Variants in PLCE1 observed in about 807,000 individuals in gnomAD.
The protein encoded by PLCE1 is phospholipase C epsilon 1, also known as 1-phosphatidylinositol 4,5-bisphosphate phosphodiesterase epsilon-1.
In PLCE1, 119 loss-of-function variants were observed where a neutral mutation model predicts 242.8. That is an observed-to-expected ratio of 0.49 (90% CI 0.42 to 0.57). PLCE1 has a LOEUF of 0.57. Among genes scored for constraint, PLCE1 ranks in the 20% least tolerant of loss-of-function variants. The pLI, the probability that PLCE1 is intolerant of heterozygous loss-of-function variation, is 0.00. For missense variants in PLCE1, 2,441 were observed against 2,788.8 expected, an observed-to-expected ratio of 0.88 and a Z score of 2.81; for synonymous variants, 945 against 1,017.4, an observed-to-expected ratio of 0.93 and a Z score of 1.35.
intron 27 of PLCE1, 120 bp from the exon 28 acceptor site, chr10:94,313,134 C>G (rs1221772147): frequency 8.5e-7 from 1 of 1,179,012 alleles, no homozygotes; most frequent in African/African-American, 1.5e-5. Flanking sequence ...CAAATGGACT[C>G]TCATCTTTTG....
rs1389986963 is a variant in PLCE1, at chr10:94,032,080, G to C, written c.1034G>C (p.Arg345Thr). The change falls in exon 2 of 33, where the codon AGA (arginine) becomes ACA (threonine). Residue 345 changes from arginine (R) to threonine (T), a missense_variant. This residue lies in a region of PLCE1 where 733 missense variants were observed against 754.2 expected (regional missense o/e 0.97). Coordinates refer to ENST00000371380, the MANE Select transcript of PLCE1 (RefSeq NM_016341.4). Reference protein sequence around the residue: ...EVKKSVYTGTRAIVRTLPSGH... With the variant: ...EVKKSVYTGTTAIVRTLPSGH... Reference sequence around the variant, plus strand: ...AAGAAATCTGTGTATACTGGAACAAGAGCAATTGTGAGAACTCTGCCTTCT... The same window carrying C: ...AAGAAATCTGTGTATACTGGAACAACAGCAATTGTGAGAACTCTGCCTTCT... The C allele has an allele frequency of 3.1e-6, 5 of 1,612,216 alleles. No individual in the cohort carries two copies. Among genetic ancestry groups the C allele is most frequent in the Non-Finnish European group, 4.2e-6 (5 of 1,179,298 alleles).
intron 4 of PLCE1, among the ~76,000 whole-genome samples, chr10:94,212,043 G>A (rs945198764): frequency 6.6e-6 from 1 of 152,084 alleles, no homozygotes; most frequent in African/African-American, 2.4e-5. Flanking sequence ...GTGCATATTA[G>A]CATATTAAAG....
chr10:94,208,812 T>C (rs940930246), intron 4 of PLCE1, among the ~76,000 whole-genome samples: 6 of 152,150 alleles, frequency 3.9e-5, no homozygotes, highest in Non-Finnish European at 1.5e-5. Flanking sequence ...GGGCTGTAAA[T>C]AGTGTTGACA....
At chr10:94,110,655 A>T (rs2045927049) in intron 2 of PLCE1, among the ~76,000 whole-genome samples, 1 of 152,238 alleles carries the variant, frequency 6.6e-6, no homozygotes, top group Non-Finnish European at 1.5e-5. Context: ...ACTATGGAAA[A>T]CTACACAGTG....
rs746028740 is a variant in PLCE1 at position 94,227,446 on chromosome 10, C to T, written c.1950C>T (p.Gly650=). The T allele has an allele frequency of 1.2e-6, 2 of 1,613,768 alleles. No individual in the cohort carries two copies. The highest frequency in any genetic ancestry group is 1.7e-6 in the Non-Finnish European group (2 of 1,179,692). ...NYNAVMEFLA[G]LRSRKVLKMW... ...ACGCTGTCATGGAGTTCTTGGCTGG[C>T]CTCAGGTATAGTCAGTGGGGAATAT... The change falls in exon 5 of 33, where the codon GGC becomes GGT. Residue 650 remains glycine, a synonymous_variant. Transcript: ENST00000371380.
At chr10:94,311,010 GTGCTT>G (rs2053369860) in intron 27 of PLCE1, among the ~76,000 whole-genome samples, 1 of 152,160 alleles carries the variant, frequency 6.6e-6, no homozygotes, top group African/African-American at 2.4e-5. Context: ...ACTCACAAGA[GTGCTT>G]TGCTTATTAT....
intron 2 of PLCE1, among the ~76,000 whole-genome samples, chr10:94,109,857 T>G (rs2045887962): frequency 6.6e-6 from 1 of 151,620 alleles, no homozygotes; most frequent in Non-Finnish European, 1.5e-5. Flanking sequence ...GGGATGTTTT[T>G]TTTTTTTTTC....
chr10:94,321,646 A>C (rs981285584), intron 29 of PLCE1, among the ~76,000 whole-genome samples: 14 of 149,078 alleles, frequency 9.4e-5, no homozygotes, highest in South Asian at 4.3e-4. Flanking sequence ...AAAAAAAAAA[A>C]CCCACAGCTA....
intron 3 of PLCE1, among the ~76,000 whole-genome samples, chr10:94,152,390 A>T (rs1352882884): frequency 6.6e-6 from 1 of 152,236 alleles, no homozygotes; most frequent in East Asian, 1.9e-4. Flanking sequence ...GCATTTGGTC[A>T]ACAAGTGGAA....
chr10:94,274,199 C>T (rs920481366), intron 19 of PLCE1, among the ~76,000 whole-genome samples: 8 of 152,156 alleles, frequency 5.3e-5, no homozygotes, highest in Non-Finnish European at 4.4e-5. Flanking sequence ...GACAAACCCA[C>T]CTGTGTAGGA....
At chr10:94,186,023 A>G (rs12251658) in intron 4 of PLCE1, among the ~76,000 whole-genome samples, 12,846 of 152,262 alleles carry the variant, frequency 0.084, 1,006 homozygotes, top group African/African-American at 0.21. Flanking sequence ...ATTTGTTTTA[A>G]CAGTCTTCCT....
chr10:94,174,991 G>A (rs762078580), intron 4 of PLCE1, among the ~76,000 whole-genome samples: 15 of 152,134 alleles, frequency 9.9e-5, no homozygotes, highest in Non-Finnish European at 1.3e-4. Context: ...TGAGTGAAGG[G>A]TGTACAAGAA....
intron 2 of PLCE1, among the ~76,000 whole-genome samples, chr10:94,060,696 T>C (rs890903026): frequency 2.9e-5 from 4 of 138,568 alleles, no homozygotes; most frequent in African/African-American, 8.0e-5. Flanking sequence ...ATTATTTAAC[T>C]TTTTTTTTTT....
At chr10:94,230,217 C>T (rs2050095489) in intron 5 of PLCE1, among the ~76,000 whole-genome samples, 1 of 151,760 alleles carries the variant, frequency 6.6e-6, no homozygotes, top group South Asian at 2.1e-4. Context: ...GTCATGGTGT[C>T]AGTTTAAAAT....
chr10:94,034,827 T>G (rs1477568345), intron 2 of PLCE1, among the ~76,000 whole-genome samples: 1 of 152,166 alleles, frequency 6.6e-6, no homozygotes, highest in Non-Finnish European at 1.5e-5. Context: ...GGCTAGGAGT[T>G]TAAACAGAGC....
At chr10:94,247,353 A>G (rs1377212567) in intron 8 of PLCE1, among the ~76,000 whole-genome samples, 1 of 151,942 alleles carries the variant, frequency 6.6e-6, no homozygotes, top group African/African-American at 2.4e-5. Flanking sequence ...ATTATACTAC[A>G]TAAAAATAGT....
intron 2 of PLCE1, among the ~76,000 whole-genome samples, chr10:94,131,567 G>A (rs1053363520): frequency 6.6e-6 from 1 of 152,210 alleles, no homozygotes; most frequent in Admixed American, 6.5e-5. Context: ...ACATAGATGG[G>A]GCAAGAAGAG....
At chr10:94,205,165 T>C (rs141090650) in intron 4 of PLCE1, among the ~76,000 whole-genome samples, 205 of 152,306 alleles carry the variant, frequency 1.3e-3, no homozygotes, top group Non-Finnish European at 2.4e-3. Context: ...TCCTTTAATA[T>C]GCAAAAGTAA....
intron 27 of PLCE1, among the ~76,000 whole-genome samples, chr10:94,312,906 T>C (rs2053431553): frequency 6.6e-6 from 1 of 152,212 alleles, no homozygotes; most frequent in South Asian, 2.1e-4. Context: ...ATTATTACCA[T>C]CCAAATTTCT....
Sources: gnomAD v4.1 joint callset for allele counts (sites outside exome capture counted in the v4.1 genomes callset) on GRCh38, gnomAD v4.1.1 for gene constraint, gnomAD v4.1.1 regional missense constraint, MANE v1.5 for transcripts, NCBI Gene and HGNC (gene_info 2026-07-23, HGNC 2026-07-21) for gene names.